The following RBM28 variants were observed in gnomAD, a reference collection of about 807,000 sequenced individuals.
RBM28 encodes the protein RNA-binding protein 28.
A neutral mutation model predicts 98.3 loss-of-function variants in RBM28; 78 were observed. The ratio of observed to expected loss-of-function variants is 0.79; its 90% CI spans 0.66 to 0.96. The LOEUF is 0.96. RBM28 is among the 40% of genes least tolerant of loss of function. The probability of loss-of-function intolerance (pLI) is 0.00; values close to 1 mark genes in which losing one functional copy is unlikely to be tolerated. For synonymous variants in RBM28, 306 were observed against 330.9 expected (o/e 0.92, Z 0.82); for missense variants, 838 against 913.0 (o/e 0.92, Z 1.06).
intron 13 of RBM28, 90 bp downstream of exon 13, chr7:128,323,437 T>A: frequency 6.8e-7 from 1 of 1,463,758 alleles, no homozygotes; most frequent in Non-Finnish European, 9.6e-7. Context: ...CATACTGGGC[T>A]CTTTGATGAG....
At position 128,303,001 on chromosome 7, in the gene RBM28, G is replaced by A. The variant is rs959078446; in HGVS notation, c.*7796C>T. 1.3e-5 allele frequency: 2 copies of A among 152,144 alleles called. No homozygotes were observed. Among genetic ancestry groups the A allele is most frequent in the Non-Finnish European group, 2.9e-5 (2 of 68,080 alleles). The allele number at this position is 152,144 out of a possible 1,614,324, so 9.4% of individuals were successfully genotyped here. On this transcript the variant is annotated 3_prime_UTR_variant, in exon 19 of 19. Coordinates refer to ENST00000223073, the MANE Select transcript of RBM28 (RefSeq NM_018077.3). ...CTGGTCCTGAACTCCTGGCCTCAAG[G>A]GATCCTCCCATCTCAGCCTCCCATA... is the stretch of plus-strand genomic sequence containing the variant.
At chr7:128,341,201 G>C (rs73721364) in intron 1 of RBM28, 1 of 1,288,252 alleles carries the variant, frequency 7.8e-7, no homozygotes, top group Middle Eastern at 2.1e-4. Flanking sequence ...CTTTGACACA[G>C]GACACTGATC....
intron 1 of RBM28, among the ~76,000 whole-genome samples, chr7:128,340,682 TC>T (rs1174630898): frequency 1.3e-5 from 2 of 152,076 alleles, no homozygotes; most frequent in Non-Finnish European, 2.9e-5. Flanking sequence ...CAAAAGAACC[TC>T]AAACAATAAA....
chr7:128,327,111 G>A (rs902844687), intron 10 of RBM28, among the ~76,000 whole-genome samples: 4 of 151,916 alleles, frequency 2.6e-5, no homozygotes, highest in Non-Finnish European at 1.5e-5. Context: ...CAGCCAGGGT[G>A]ACAGAGCGAG....
chr7:128,338,592 G>A (rs547302999), intron 4 of RBM28, 134 bp downstream of exon 4: 28 of 781,314 alleles, frequency 3.6e-5, no homozygotes, highest in Middle Eastern at 5.3e-4. Context: ...ATATCATCAG[G>A]GGAATAAAAC....
chr7:128,335,732 A>G (rs1796583195), intron 7 of RBM28, 53 bp from the exon 8 acceptor site: 1 of 1,613,878 alleles, frequency 6.2e-7, no homozygotes, highest in African/African-American at 1.3e-5. Flanking sequence ...GGGCCTATTC[A>G]ATTTCATTAC....
chr7:128,319,763 T>C (rs1236535774), intron 14 of RBM28, among the ~76,000 whole-genome samples: 2 of 152,090 alleles, frequency 1.3e-5, no homozygotes, highest in Non-Finnish European at 2.9e-5. Flanking sequence ...GCCAGGGTAA[T>C]AGTAACCAGT....
At chr7:128,332,009 T>C (rs1250293026) in intron 9 of RBM28, among the ~76,000 whole-genome samples, 1 of 152,194 alleles carries the variant, frequency 6.6e-6, no homozygotes, top group African/African-American at 2.4e-5. Flanking sequence ...TTTCCCTAAG[T>C]TCTTTATTAA....
chr7:128,299,683 A>G lies in RBM28; in HGVS notation c.*11114T>C, dbSNP rs1795755613. On this transcript the variant is annotated 3_prime_UTR_variant, in exon 19 of 19. Coordinates refer to ENST00000223073, the MANE Select transcript of RBM28 (RefSeq NM_018077.3). Reference sequence around the variant, plus strand: ...TACAATCCAATGAGCCTCCCTTCAGAGAGAGGCACCCTCATGGCCTAATTA... The same window carrying G: ...TACAATCCAATGAGCCTCCCTTCAGGGAGAGGCACCCTCATGGCCTAATTA... 1 of 152,234 alleles carries G rather than the reference A, an allele frequency of 6.6e-6. No homozygotes were observed. Among genetic ancestry groups the G allele is most frequent in the Non-Finnish European group, 1.5e-5 (1 of 68,046 alleles). The allele number at this position is 152,234 out of a possible 1,614,324, so 9.4% of individuals were successfully genotyped here. A position where few individuals can be genotyped will look rare whatever the true frequency, so the allele number is the denominator to read the frequency against.
intron 8 of RBM28, among the ~76,000 whole-genome samples, chr7:128,334,956 C>T (rs141466422): frequency 1.5e-4 from 23 of 152,276 alleles, no homozygotes; most frequent in African/African-American, 2.4e-4. Context: ...AAGCACATAG[C>T]GAGAAGGCAG....
chr7:128,339,674 T>C lies in RBM28; in HGVS notation c.236A>G (p.Lys79Arg). Residue 79 changes from lysine to arginine, a missense_variant, in exon 2 of 19, where the codon AAG (lysine) becomes AGG (arginine). Transcript: ENST00000223073. ...EGCKINVTVA[K>R]KKLRNKTKEK... ...CTTTGTCTTGTTCCTCAGTTTTTTC[T>C]TGGCAACAGTCACGTTGATCTTGCA... The C allele has an allele frequency of 1.2e-6, 2 of 1,614,190 alleles. No homozygotes were observed. Among genetic ancestry groups the C allele is most frequent in the African/African-American group, 1.3e-5 (1 of 75,058 alleles).
chr7:128,317,367 C>T (rs763825366), intron 16 of RBM28, among the ~76,000 whole-genome samples: 2 of 152,144 alleles, frequency 1.3e-5, no homozygotes, highest in Non-Finnish European at 2.9e-5. Context: ...AAACCTTAAC[C>T]TCAACCATTA....
At position 128,339,290 on chromosome 7, in the gene RBM28, C is replaced by G. The variant is rs368901072; in HGVS notation, c.309G>C (p.Lys103Asn). ...TATCTGCCACTTTGGCTTTTTTAGC[C>G]TTCGGCTCCTTCTTTGGGCACTCTG... Reference protein sequence around the residue: ...ENSECPKKEPKAKKAKVADKK... With the variant: ...ENSECPKKEPNAKKAKVADKK... Residue 103 changes from lysine to asparagine, a missense_variant, in exon 3 of 19, where the codon AAG (lysine) becomes AAC (asparagine). Coordinates refer to ENST00000223073, the MANE Select transcript of RBM28 (RefSeq NM_018077.3). The G allele has an allele frequency of 6.2e-7, 1 of 1,613,186 alleles. No individual in the cohort carries two copies. Among genetic ancestry groups the G allele is most frequent in the Admixed American group, 1.7e-5 (1 of 59,992 alleles).
intron 1 of RBM28, among the ~76,000 whole-genome samples, chr7:128,340,833 T>A (rs1796708295): frequency 6.6e-6 from 1 of 152,182 alleles, no homozygotes; most frequent in Non-Finnish European, 1.5e-5. Flanking sequence ...GTAAAGCAAA[T>A]ATTATCACCC....
At chr7:128,339,528 A>C in intron 2 of RBM28, 105 bp downstream of exon 2, 1 of 1,408,462 alleles carries the variant, frequency 7.1e-7, no homozygotes, top group Non-Finnish European at 1.0e-6. Flanking sequence ...AAGAAATGCA[A>C]AAAGCTTTAA....
At chr7:128,311,798 T>C (rs1036842752) in intron 18 of RBM28, among the ~76,000 whole-genome samples, 1 of 152,222 alleles carries the variant, frequency 6.6e-6, no homozygotes, top group Non-Finnish European at 1.5e-5. Context: ...CTTTCCTACA[T>C]AAATGATATT....
At chr7:128,316,513 C>T (rs904782207) in intron 16 of RBM28, among the ~76,000 whole-genome samples, 1 of 152,132 alleles carries the variant, frequency 6.6e-6, no homozygotes, top group Non-Finnish European at 1.5e-5. Context: ...GAGTTCGAGA[C>T]CAGCCTGGCC....
At chr7:128,321,475 AG>A in intron 13 of RBM28, 51 bp from the exon 14 acceptor site, 1 of 1,606,044 alleles carries the variant, frequency 6.2e-7, no homozygotes. Flanking sequence ...TTTAAGAGGT[AG>A]GCTCATAATT....
At chr7:128,315,459 C>T (rs548893953) in intron 16 of RBM28, among the ~76,000 whole-genome samples, 1 of 152,252 alleles carries the variant, frequency 6.6e-6, no homozygotes, top group African/African-American at 2.4e-5. Flanking sequence ...AAATACTAAA[C>T]AATTTACAAC....
Sources: allele counts gnomAD v4.1 joint callset (sites outside exome capture counted in the v4.1 genomes callset), GRCh38; gene constraint gnomAD v4.1.1; transcripts MANE v1.5; gene names NCBI Gene and HGNC (gene_info 2026-07-23, HGNC 2026-07-21).